TEC: variants seen among roughly 807,000 people sequenced by gnomAD.
TEC encodes the protein tec protein tyrosine kinase.
In TEC, 72 loss-of-function variants were observed where a neutral mutation model predicts 93.0. The ratio of observed to expected loss-of-function variants is 0.77; its 90% CI spans 0.64 to 0.94. TEC has a LOEUF of 0.94. Ranked by LOEUF, TEC falls within the 40% of genes least tolerant of loss-of-function variation. The probability of loss-of-function intolerance (pLI) is 0.00; values close to 1 mark genes in which losing one functional copy is unlikely to be tolerated. For synonymous variants in TEC, 249 were observed against 247.7 expected, an observed-to-expected ratio of 1.01 and a Z score of -0.05; for missense variants, 630 against 757.9, an observed-to-expected ratio of 0.83 and a Z score of 1.98.
At chr4:48,140,099 T>TAATTA (rs1212094532) in intron 15 of TEC, among the ~76,000 whole-genome samples, 1 of 152,198 alleles carries the variant, frequency 6.6e-6, no homozygotes, top group Non-Finnish European at 1.5e-5. Context: ...GAGCATTGGG[T>TAATTA]AATTAATATC....
At chr4:48,184,678 C>T (rs1721727044) in intron 2 of TEC, among the ~76,000 whole-genome samples, 5 of 151,664 alleles carry the variant, frequency 3.3e-5, no homozygotes. Flanking sequence ...TCTCAACAGG[C>T]CACAACAATT....
chr4:48,245,156 G>C (rs1577668460), intron 1 of TEC, among the ~76,000 whole-genome samples: 1 of 152,094 alleles, frequency 6.6e-6, no homozygotes, highest in Non-Finnish European at 1.5e-5. Flanking sequence ...TGCTGGGTGT[G>C]GTGGTGCGTG....
chr4:48,146,761 C>G (rs1719933444), intron 11 of TEC, among the ~76,000 whole-genome samples: 1 of 152,144 alleles, frequency 6.6e-6, no homozygotes, highest in South Asian at 2.1e-4. Flanking sequence ...TATTAGCAAT[C>G]TTAGCATACA....
chr4:48,214,521 T>C (rs1577644350), intron 2 of TEC, among the ~76,000 whole-genome samples: 1 of 152,240 alleles, frequency 6.6e-6, no homozygotes, highest in South Asian at 2.1e-4. Flanking sequence ...GTACCCATAC[T>C]ACCATTCTGT....
At chr4:48,226,464 T>C (rs1308120958) in intron 2 of TEC, among the ~76,000 whole-genome samples, 1 of 152,088 alleles carries the variant, frequency 6.6e-6, no homozygotes, top group Non-Finnish European at 1.5e-5. Context: ...CTCTTCCTCC[T>C]CCTCAGCCTA....
chr4:48,175,469 C>G (rs1357683331), intron 3 of TEC, among the ~76,000 whole-genome samples: 2 of 152,082 alleles, frequency 1.3e-5, no homozygotes, highest in African/African-American at 4.8e-5. Context: ...GCTGAGAGCT[C>G]CAGATTATCA....
At chr4:48,141,829 C>T in intron 14 of TEC, 1 of 172,288 alleles carries the variant, frequency 5.8e-6, no homozygotes, top group Non-Finnish European at 1.2e-5. Flanking sequence ...ATTACAGGCA[C>T]CCACCACCAC....
At chr4:48,182,779 T>C (rs1280669614) in intron 2 of TEC, among the ~76,000 whole-genome samples, 1 of 152,202 alleles carries the variant, frequency 6.6e-6, no homozygotes, top group Non-Finnish European at 1.5e-5. Flanking sequence ...TTTCCTTTAA[T>C]TTCCAGAATA....
intron 1 of TEC, among the ~76,000 whole-genome samples, chr4:48,251,902 G>T (rs976949437): frequency 5.3e-5 from 8 of 152,120 alleles, no homozygotes; most frequent in Admixed American, 1.3e-4. Flanking sequence ...TTGGATGAAT[G>T]CTACCTGACA....
chr4:48,235,704 A>T (rs1448179794), intron 1 of TEC, among the ~76,000 whole-genome samples: 1 of 152,194 alleles, frequency 6.6e-6, no homozygotes, highest in Non-Finnish European at 1.5e-5. Context: ...AGCAGACCAT[A>T]GGGGAATCCA....
At chr4:48,181,210 A>T (rs1193673002) in intron 2 of TEC, among the ~76,000 whole-genome samples, 1 of 152,190 alleles carries the variant, frequency 6.6e-6, no homozygotes, top group Non-Finnish European at 1.5e-5. Context: ...GAACTCAGAA[A>T]TGCTTAGCAC....
At chr4:48,196,549 G>C (rs191211894) in intron 2 of TEC, among the ~76,000 whole-genome samples, 83 of 152,232 alleles carry the variant, frequency 5.5e-4, no homozygotes, top group Admixed American at 4.8e-3. Context: ...TATTATTTTT[G>C]AAAAGCATAC....
intron 7 of TEC, among the ~76,000 whole-genome samples, chr4:48,166,035 T>G (rs772351391): frequency 6.6e-6 from 1 of 152,190 alleles, no homozygotes; most frequent in Non-Finnish European, 1.5e-5. Context: ...ATTTCCAAGG[T>G]CTACATGGGC....
intron 1 of TEC, among the ~76,000 whole-genome samples, chr4:48,264,705 C>T (rs1560429687): frequency 6.6e-6 from 1 of 150,608 alleles, no homozygotes; most frequent in African/African-American, 2.4e-5. Context: ...GGCATCATAT[C>T]GGCTCACTAC....
intron 1 of TEC, among the ~76,000 whole-genome samples, chr4:48,250,812 T>C (rs1042814539): frequency 1.1e-4 from 16 of 152,190 alleles, no homozygotes; most frequent in African/African-American, 3.9e-4. Flanking sequence ...GCAAGCCCAG[T>C]TAAGATCAAC....
intron 1 of TEC, among the ~76,000 whole-genome samples, chr4:48,260,860 T>C (rs1227593429): frequency 1.3e-4 from 20 of 152,340 alleles, no homozygotes; most frequent in Admixed American, 1.2e-3. Context: ...GTAATAGAGA[T>C]GACTGGAAGG....
intron 1 of TEC, among the ~76,000 whole-genome samples, chr4:48,231,689 A>T (rs1245332967): frequency 6.6e-6 from 1 of 152,058 alleles, no homozygotes; most frequent in African/African-American, 2.4e-5. Context: ...CCCAGGAGGC[A>T]GAGCTTGCAG....
At chr4:48,246,099 T>A (rs1380440287) in intron 1 of TEC, among the ~76,000 whole-genome samples, 1 of 152,064 alleles carries the variant, frequency 6.6e-6, no homozygotes, top group Non-Finnish European at 1.5e-5. Flanking sequence ...ACAAGAGTGA[T>A]ACTCCATCTC....
intron 2 of TEC, among the ~76,000 whole-genome samples, chr4:48,210,653 C>T (rs553844321): frequency 6.6e-6 from 1 of 152,144 alleles, no homozygotes; most frequent in African/African-American, 2.4e-5. Flanking sequence ...CCACAGCAGA[C>T]GACCCCCAAC....
Sources: gnomAD v4.1 joint callset for allele counts (sites outside exome capture counted in the v4.1 genomes callset) on GRCh38, gnomAD v4.1.1 for gene constraint, MANE v1.5 for transcripts, NCBI Gene and HGNC (gene_info 2026-07-23, HGNC 2026-07-21) for gene names.